PCDH15: variants seen among roughly 807,000 people sequenced by gnomAD.
PCDH15 encodes protocadherin-15.
In PCDH15, 129 loss-of-function variants were observed where a neutral mutation model predicts 178.5. The observed-to-expected ratio is 0.72, with a 90% CI of 0.63 to 0.84. The LOEUF is 0.84. PCDH15 is among the 40% of genes least tolerant of loss of function. PCDH15 has a pLI of 0.00. For synonymous variants in PCDH15, 800 were observed against 732.0 expected, an observed-to-expected ratio of 1.09 and a Z score of -1.50; for missense variants, 2,230 against 2,099.9, an observed-to-expected ratio of 1.06 and a Z score of -1.21.
At chr10:54,593,964 T>A (rs554441432) in intron 2 of PCDH15, among the ~76,000 whole-genome samples, 2 of 151,630 alleles carry the variant, frequency 1.3e-5, no homozygotes, top group South Asian at 4.2e-4. Flanking sequence ...TAGTAAATCT[T>A]CAGAGGGAAG....
intron 2 of PCDH15, chr10:54,600,624 A>G (rs895580682): frequency 4.5e-5 from 26 of 579,334 alleles, no homozygotes; most frequent in African/African-American, 4.4e-4. Context: ...AGTGTCTACT[A>G]AAAAGGTAGA....
chr10:54,440,464 C>T (rs967592008), intron 3 of PCDH15, among the ~76,000 whole-genome samples: 4 of 151,822 alleles, frequency 2.6e-5, no homozygotes, highest in Admixed American at 2.6e-4. Flanking sequence ...CTTATGATTT[C>T]ATCAATCAAC....
At chr10:55,292,738 CA>C (rs1843038928) in intron 1 of PCDH15, among the ~76,000 whole-genome samples, 1 of 152,204 alleles carries the variant, frequency 6.6e-6, no homozygotes, top group Non-Finnish European at 1.5e-5. Flanking sequence ...GTTTCACATC[CA>C]GGTCACGCTG....
intron 20 of PCDH15, among the ~76,000 whole-genome samples, chr10:54,008,461 C>A (rs557232574): frequency 5.9e-5 from 9 of 152,226 alleles, no homozygotes; most frequent in African/African-American, 1.4e-4. Context: ...GGCCCAGATA[C>A]AGAATGAGGG....
chr10:54,036,348 G>A (rs1045331324), intron 18 of PCDH15, among the ~76,000 whole-genome samples: 5 of 151,944 alleles, frequency 3.3e-5, no homozygotes, highest in African/African-American at 4.8e-5. Context: ...TTCAAAGGAT[G>A]GGCTGACTTT....
intron 2 of PCDH15, among the ~76,000 whole-genome samples, chr10:54,649,013 A>G (rs939303040): frequency 6.6e-6 from 1 of 152,202 alleles, no homozygotes; most frequent in African/African-American, 2.4e-5. Flanking sequence ...AATGCAAACT[A>G]GCTGAACAGT....
intron 1 of PCDH15, among the ~76,000 whole-genome samples, chr10:54,776,248 C>G (rs1949689947): frequency 6.6e-6 from 1 of 152,142 alleles, no homozygotes; most frequent in Non-Finnish European, 1.5e-5. Flanking sequence ...GTACAGATTT[C>G]TCTTCGATGT....
intron 1 of PCDH15, among the ~76,000 whole-genome samples, chr10:55,235,285 C>T (rs1841345922): frequency 6.6e-6 from 1 of 152,034 alleles, no homozygotes; most frequent in African/African-American, 2.4e-5. Context: ...CAAGACCCTC[C>T]TTTTTCTTTC....
intron 1 of PCDH15, among the ~76,000 whole-genome samples, chr10:54,724,012 G>A (rs1297961481): frequency 1.3e-5 from 2 of 151,560 alleles, no homozygotes; most frequent in Non-Finnish European, 3.0e-5. Flanking sequence ...TAGAACTACC[G>A]TTCAACCCAG....
Position 55,191,268 on chromosome 10 carries a change from G to T in PCDH15, c.-155-24617C>A, listed in dbSNP as rs1839938599. The stretch of plus-strand genomic sequence containing the variant: ...AAGTAAAAGCACTCAGCATGACTAG[G>T]ATCACTTTTTATCTACTTTTCTATC... On this transcript the variant is annotated intron_variant, in intron 1 of 5. Coordinates refer to the PCDH15 transcript ENST00000458638. Among the ~76,000 whole-genome samples the T allele has an allele frequency of 3.3e-5, 5 of 151,546 alleles. No homozygotes were observed. The South Asian group carries it at 1.0e-3, about 31-fold the overall frequency.
At chr10:54,689,299 T>C (rs1211972087) in intron 1 of PCDH15, among the ~76,000 whole-genome samples, 1 of 152,158 alleles carries the variant, frequency 6.6e-6, no homozygotes, top group Non-Finnish European at 1.5e-5. Context: ...ATTATTCATT[T>C]AAAACAATTA....
intron 3 of PCDH15, among the ~76,000 whole-genome samples, chr10:54,514,914 T>G (rs531171180): frequency 1.3e-5 from 2 of 152,168 alleles, no homozygotes; most frequent in African/African-American, 2.4e-5. Context: ...AACTTACTCA[T>G]CGAAAAGAAA....
chr10:53,820,559 C>CTTAAAACTCCAGAGTGTTT (rs1367349379), intron 32 of PCDH15, among the ~76,000 whole-genome samples: 7 of 151,964 alleles, frequency 4.6e-5, no homozygotes. Flanking sequence ...CTTCTAAAAT[C>CTTAAAACTCCAGAGTGTTT]TTAAAACTCC....
intron 33 of PCDH15, among the ~76,000 whole-genome samples, chr10:53,819,819 T>C (rs1404508901): frequency 6.6e-6 from 1 of 152,020 alleles, no homozygotes; most frequent in African/African-American, 2.4e-5. Flanking sequence ...TTTAACTGAC[T>C]TTTATAATGT....
At chr10:55,170,848 C>T (rs773089213) in intron 1 of PCDH15, among the ~76,000 whole-genome samples, 2 of 152,018 alleles carry the variant, frequency 1.3e-5, no homozygotes, top group Non-Finnish European at 2.9e-5. Context: ...CACCATTGCA[C>T]TCCAGCCTGG....
chr10:54,378,880 C>T lies in PCDH15; in HGVS notation c.220G>A (p.Glu74Lys), dbSNP rs1365986192. 14 of 1,613,680 alleles carry T rather than the reference C, an allele frequency of 8.7e-6. No homozygotes were observed. Among genetic ancestry groups the T allele is most frequent in the Non-Finnish European group, 1.1e-5 (13 of 1,179,836 alleles). Residue 74 changes from glutamate (E) to lysine (K), a missense_variant, in exon 4 of 38, where the codon GAA (glutamate) becomes AAA (lysine). Glu to Lys is a moderately conservative substitution (Grantham distance 56). Transcript: ENST00000644397. ...TCCACATTATCCTTTAAAGAAAGTT[C>T]TATGGTGGGGTCTGGTCCTCCAGCA... is the stretch of plus-strand genomic sequence containing the variant. ...GTAGGPDPTI[E>K]LSLKDNVDYW...
intron 10 of PCDH15, among the ~76,000 whole-genome samples, chr10:54,212,450 T>G (rs990541921): frequency 6.6e-6 from 1 of 152,116 alleles, no homozygotes; most frequent in Non-Finnish European, 1.5e-5. Context: ...GTGCATTATG[T>G]CTCCAAGCGT....
chr10:54,425,231 A>G (rs944257740), intron 3 of PCDH15, among the ~76,000 whole-genome samples: 2 of 152,146 alleles, frequency 1.3e-5, no homozygotes, highest in East Asian at 1.9e-4. Context: ...GGATTGGATC[A>G]TGAAAGTTCC....
intron 1 of PCDH15, among the ~76,000 whole-genome samples, chr10:55,271,756 G>A (rs570922835): frequency 6.6e-6 from 1 of 152,034 alleles, no homozygotes; most frequent in Middle Eastern, 3.4e-3. Context: ...TCCTCACCTG[G>A]GAAGGCTTTT....
Sources: allele counts gnomAD v4.1 joint callset (sites outside exome capture counted in the v4.1 genomes callset), GRCh38; gene constraint gnomAD v4.1.1; transcripts MANE v1.5; gene names NCBI Gene and HGNC (gene_info 2026-07-23, HGNC 2026-07-21).